The following GK5 variants were observed in gnomAD, a reference collection of about 807,000 sequenced individuals.
GK5 encodes the protein ATP:glycerol 3-phosphotransferase 5.
GK5 carries 39 observed loss-of-function variants against 77.3 expected under a neutral mutation model. That is an observed-to-expected ratio of 0.50 (90% CI 0.39 to 0.66). The LOEUF (loss-of-function observed/expected upper bound fraction) is 0.66, where lower values mean the gene tolerates loss of function less well. GK5 is among the 30% of genes least tolerant of loss of function. The pLI, the probability that GK5 is intolerant of heterozygous loss-of-function variation, is 0.00. For synonymous variants in GK5, 211 were observed against 208.0 expected, an observed-to-expected ratio of 1.01 and a Z score of -0.13; for missense variants, 487 against 633.8, an observed-to-expected ratio of 0.77 and a Z score of 2.49.
chr3:142,223,331 T>A (rs2064380164), intron 1 of GK5, among the ~76,000 whole-genome samples: 1 of 152,192 alleles, frequency 6.6e-6, no homozygotes, highest in Admixed American at 6.5e-5. Context: ...TGTCTAGAAT[T>A]ATAAGGGAGA....
chr3:142,209,735 G>C (rs749088208), intron 3 of GK5, among the ~76,000 whole-genome samples: 6 of 152,160 alleles, frequency 3.9e-5, no homozygotes, highest in Non-Finnish European at 5.9e-5. Flanking sequence ...CCTATATAAT[G>C]AGATTGTAAA....
intron 13 of GK5, among the ~76,000 whole-genome samples, chr3:142,171,753 A>G (rs2063542909): frequency 1.3e-5 from 2 of 152,164 alleles, no homozygotes; most frequent in Non-Finnish European, 2.9e-5. Context: ...ACCATTCTAC[A>G]AAGAAAAATT....
chr3:142,222,085 G>A (rs1165197715), intron 1 of GK5, among the ~76,000 whole-genome samples: 2 of 152,094 alleles, frequency 1.3e-5, no homozygotes, highest in South Asian at 4.1e-4. Context: ...ACACAATCAA[G>A]TTCTGTGTCT....
At chr3:142,170,955 G>A (rs551774690) in intron 14 of GK5, among the ~76,000 whole-genome samples, 28 of 152,186 alleles carry the variant, frequency 1.8e-4, no homozygotes, top group Non-Finnish European at 3.7e-4. Flanking sequence ...GTAGCTGGGC[G>A]CGTTGGCTCA....
rs948590104 is a variant in GK5 at position 142,181,388 on chromosome 3, C to T, written c.1048+73G>A. 9 of 784,950 alleles carry T rather than the reference C, an allele frequency of 1.1e-5. No individual in the cohort carries two copies. The African/African-American group carries it at 1.2e-4, about 11-fold the overall frequency. The allele number at this position is 784,950 out of a possible 1,614,324, so 48.6% of individuals were successfully genotyped here. A position where few individuals can be genotyped will look rare whatever the true frequency, so the allele number is the denominator to read the frequency against. On this transcript the variant is annotated intron_variant, in intron 11 of 15. Coordinates refer to ENST00000392993, the MANE Select transcript of GK5 (RefSeq NM_001039547.3). ...ATTTGAACAATCCATTTGCTTCCTA[C>T]TAATCTGCAATCCTGTGGCATTCTT... is the stretch of plus-strand genomic sequence containing the variant.
At chr3:142,168,670 T>A (rs1395180843) in intron 15 of GK5, among the ~76,000 whole-genome samples, 2 of 152,146 alleles carry the variant, frequency 1.3e-5, no homozygotes, top group Non-Finnish European at 1.5e-5. Flanking sequence ...TCCTCACTGA[T>A]CTTTTCACTA....
Position 142,159,778 on chromosome 3 carries a change from G to A in GK5, c.*5844C>T, listed in dbSNP as rs1423456205. 1 of 151,638 alleles carries A rather than the reference G, an allele frequency of 6.6e-6. No homozygotes were observed. Among genetic ancestry groups the A allele is most frequent in the African/African-American group, 2.4e-5 (1 of 41,216 alleles). The allele number at this position is 151,638 out of a possible 1,614,324, so 9.4% of individuals were successfully genotyped here. Reference sequence around the variant, plus strand: ...AGACCTGGCTTTGGGTTTACAATAAGACGATTCTGGGACCAAGTAGGTTGT... The same window carrying A: ...AGACCTGGCTTTGGGTTTACAATAAAACGATTCTGGGACCAAGTAGGTTGT... On this transcript the variant is annotated 3_prime_UTR_variant, in exon 16 of 16. Transcript: ENST00000392993.
chr3:142,218,272 C>T (rs532364205), intron 1 of GK5, among the ~76,000 whole-genome samples: 31 of 151,196 alleles, frequency 2.1e-4, no homozygotes, highest in African/African-American at 7.0e-4. Flanking sequence ...GTGGCTCACG[C>T]CTGTAATCCC....
chr3:142,194,002 A>G (rs2063894450), intron 5 of GK5, among the ~76,000 whole-genome samples: 1 of 152,032 alleles, frequency 6.6e-6, no homozygotes, highest in Admixed American at 6.5e-5. Flanking sequence ...CGGCCTCCCA[A>G]AGTGCTGGGA....
intron 12 of GK5, among the ~76,000 whole-genome samples, chr3:142,176,447 A>G (rs933963106): frequency 6.6e-6 from 1 of 152,124 alleles, no homozygotes; most frequent in Admixed American, 6.5e-5. Flanking sequence ...TAACTGAAGT[A>G]TATGATAGAC....
At chr3:142,210,824 G>A (rs1035094877) in intron 3 of GK5, among the ~76,000 whole-genome samples, 1 of 152,222 alleles carries the variant, frequency 6.6e-6, no homozygotes, top group African/African-American at 2.4e-5. Context: ...CGACCTTACT[G>A]TCATGAGTGA....
At chr3:142,184,787 C>T (rs995506437) in intron 9 of GK5, 8 of 872,158 alleles carry the variant, frequency 9.2e-6, no homozygotes, top group South Asian at 5.3e-5. Context: ...AGTGAGCCAT[C>T]GGTGAGATCA....
At chr3:142,177,451 G>C in intron 12 of GK5, 31 bp downstream of exon 12, 1 of 1,235,866 alleles carries the variant, frequency 8.1e-7, no homozygotes. Flanking sequence ...AAAAATATTT[G>C]TGATTGCCAT....
intron 12 of GK5, among the ~76,000 whole-genome samples, chr3:142,175,544 A>G (rs201850808): frequency 6.6e-6 from 1 of 152,148 alleles, no homozygotes; most frequent in East Asian, 1.9e-4. Context: ...TCACATAGGC[A>G]GATTATAGGT....
Position 142,159,523 on chromosome 3 carries a change from T to C in GK5, c.*6099A>G, listed in dbSNP as rs965630778. ...GTCCTTCCCACTCCAAGATCATTCC[T>C]GCATTCCTCTAGGAACAAGGGTCCC... is the stretch of plus-strand genomic sequence containing the variant. On this transcript the variant is annotated 3_prime_UTR_variant, in exon 16 of 16. Transcript: ENST00000392993. 18 of 152,026 alleles carry C rather than the reference T, an allele frequency of 1.2e-4. No homozygotes were observed. The highest frequency in any genetic ancestry group is 4.3e-4 in the African/African-American group (18 of 41,388). 9.4% of individuals were successfully genotyped at this position (152,026 alleles called of 1,614,324 possible). A position where few individuals can be genotyped will look rare whatever the true frequency, so the allele number is the denominator to read the frequency against.
chr3:142,172,018 T>C (rs1170062507), intron 13 of GK5, among the ~76,000 whole-genome samples: 2 of 152,146 alleles, frequency 1.3e-5, no homozygotes, highest in Admixed American at 6.5e-5. Context: ...AACAGAAGCA[T>C]TATTACTTGG....
At chr3:142,197,516 G>A (rs1339324833) in intron 5 of GK5, among the ~76,000 whole-genome samples, 1 of 152,006 alleles carries the variant, frequency 6.6e-6, no homozygotes. Flanking sequence ...TAAATCTTAA[G>A]TGTGTCCCTT....
intron 6 of GK5, among the ~76,000 whole-genome samples, chr3:142,187,034 T>C (rs2063783069): frequency 6.6e-6 from 1 of 152,210 alleles, no homozygotes. Flanking sequence ...GTTGTCACTT[T>C]ACGATCCCCC....
intron 3 of GK5, among the ~76,000 whole-genome samples, chr3:142,209,916 A>T (rs995187951): frequency 4.0e-5 from 6 of 151,840 alleles, no homozygotes; most frequent in Non-Finnish European, 8.8e-5. Flanking sequence ...GAAATCTCCC[A>T]AGAGACATTG....
Sources: gnomAD v4.1 joint callset for allele counts (sites outside exome capture counted in the v4.1 genomes callset) on GRCh38, gnomAD v4.1.1 for gene constraint, MANE v1.5 for transcripts, NCBI Gene and HGNC (gene_info 2026-07-23, HGNC 2026-07-21) for gene names.